The following BIRC3 variants were observed in gnomAD, a reference collection of about 807,000 sequenced individuals.
BIRC3 encodes baculoviral IAP repeat-containing protein 3.
A neutral mutation model predicts 59.0 loss-of-function variants in BIRC3; 26 were observed. The ratio of observed to expected loss-of-function variants is 0.44; its 90% CI spans 0.32 to 0.61. The LOEUF is 0.61. Ranked by LOEUF, BIRC3 falls within the 20% of genes least tolerant of loss-of-function variation. The pLI is 0.04. For missense variants in BIRC3, 641 were observed against 711.5 expected, an observed-to-expected ratio of 0.90 and a Z score of 1.13; for synonymous variants, 243 against 249.2, an observed-to-expected ratio of 0.98 and a Z score of 0.24.
At chr11:102,327,100 T>C (rs1206075767) in intron 3 of BIRC3, among the ~76,000 whole-genome samples, 1 of 152,196 alleles carries the variant, frequency 6.6e-6, no homozygotes, top group African/African-American at 2.4e-5. Context: ...GGTAGATAAC[T>C]AGTAATCACC....
chr11:102,321,714 A>G (rs1951032425), intron 1 of BIRC3, 123 bp from the exon 2 acceptor site: 1 of 162,846 alleles, frequency 6.1e-6, no homozygotes, highest in South Asian at 2.0e-4. Flanking sequence ...CACCTGATAC[A>G]TGGTAAACGA....
Position 102,320,898 on chromosome 11 carries a change from C to T in BIRC3, c.-2673-939C>T, listed in dbSNP as rs886971478. On this transcript the variant is annotated intron_variant, in intron 1 of 8. Transcript: ENST00000263464. ...GAACATGTTCCCTCTCTAAAGGGCA[C>T]AGCTGCTGCTCAGCTTTAGCTGATT... Among the ~76,000 whole-genome samples, 3 of 152,252 alleles carry T rather than the reference C, an allele frequency of 2.0e-5. No individual in the cohort carries two copies. In the South Asian group the frequency reaches 6.2e-4, roughly 32 times the overall value.
At chr11:102,336,731 T>C (rs748273236) in intron 7 of BIRC3, 29 bp from the exon 8 acceptor site, 8 of 1,590,386 alleles carry the variant, frequency 5.0e-6, no homozygotes, top group South Asian at 4.6e-5. Context: ...TTATTTGTCA[T>C]AGTAATGCTT....
At chr11:102,330,009 C>A (rs1421281876) in intron 5 of BIRC3, among the ~76,000 whole-genome samples, 2 of 151,984 alleles carry the variant, frequency 1.3e-5, no homozygotes, top group African/African-American at 4.8e-5. Context: ...CTACTGGAAA[C>A]AGACAAATAC....
intron 6 of BIRC3, among the ~76,000 whole-genome samples, chr11:102,333,572 G>GA (rs201323847): frequency 0.04 from 5,084 of 126,022 alleles, 310 homozygotes; most frequent in East Asian, 0.3. Context: ...CTCTCTAAAA[G>GA]AAAAAAAAAA....
chr11:102,326,633 A>G, intron 3 of BIRC3: 15 of 442,486 alleles, frequency 3.4e-5, no homozygotes, highest in East Asian at 2.8e-4. Context: ...AACAAGCTGC[A>G]CTGTTTTTTT....
rs1023369669 is a variant in BIRC3 at position 102,338,377 on chromosome 11, C to T, written c.*1275C>T. 6 of 228,278 alleles carry T rather than the reference C, an allele frequency of 2.6e-5. 1 individual carries two copies. The highest frequency in any genetic ancestry group is 1.1e-4 in the African/African-American group (5 of 45,006). 14.1% of individuals were successfully genotyped at this position (228,278 alleles called of 1,614,324 possible). A position where few individuals can be genotyped will look rare whatever the true frequency, so the allele number is the denominator to read the frequency against. On this transcript the variant is annotated 3_prime_UTR_variant, in exon 9 of 9. Transcript: ENST00000263464. ...TTCATAAGGGTCACAGCTGACAATC[C>T]TATAACAAAAGACAGGTTAACAAGA...
At chr11:102,326,227 C>G (rs934844912) in intron 3 of BIRC3, among the ~76,000 whole-genome samples, 1 of 152,038 alleles carries the variant, frequency 6.6e-6, no homozygotes, top group South Asian at 2.1e-4. Flanking sequence ...TGAATAAGTT[C>G]TATAGCATGT....
At chr11:102,325,746 GAAAT>G (rs1291103864) in intron 3 of BIRC3, among the ~76,000 whole-genome samples, 181 bp downstream of exon 3, 1 of 152,030 alleles carries the variant, frequency 6.6e-6, no homozygotes, top group Non-Finnish European at 1.5e-5. Flanking sequence ...AGACAACGAA[GAAAT>G]AGATTTGGGG....
intron 6 of BIRC3, among the ~76,000 whole-genome samples, chr11:102,331,842 T>C (rs1405341069): frequency 1.3e-5 from 2 of 152,146 alleles, no homozygotes; most frequent in African/African-American, 2.4e-5. Flanking sequence ...GATTTCTCCA[T>C]GTTGGCCACA....
chr11:102,331,485 T>C (rs994182747), intron 6 of BIRC3, among the ~76,000 whole-genome samples: 2 of 152,204 alleles, frequency 1.3e-5, no homozygotes, highest in African/African-American at 4.8e-5. Flanking sequence ...AATTCATATT[T>C]TTTTCTCTGG....
Position 102,336,079 on chromosome 11 carries a change from G to C in BIRC3, c.1438G>C (p.Asp480His). ...TAGIINEQEH[D>H]VIKQKTQTSL... The stretch of plus-strand genomic sequence containing the variant: ...CGGAATTATTAATGAACAAGAACAT[G>C]ATGTTATTAAACAGAAGACACAGAC... Residue 480 changes from aspartate to histidine, a missense_variant, in exon 7 of 9, where the codon GAT becomes CAT. By Grantham distance (81) the Asp-to-His change is moderately conservative. Around this residue, in one of 4 missense-constraint regions of BIRC3, gnomAD observed 268 missense variants for 255.7 expected, o/e 1.05. Transcript: ENST00000263464. 6.2e-7 allele frequency: 1 copy of C among 1,613,908 alleles called. No homozygotes were observed. The highest frequency in any genetic ancestry group is 1.1e-5 in the South Asian group (1 of 91,080).
chr11:102,321,635 G>T (rs1045098326), intron 1 of BIRC3, among the ~76,000 whole-genome samples: 1 of 152,168 alleles, frequency 6.6e-6, no homozygotes, highest in Non-Finnish European at 1.5e-5. Context: ...GATTACAGGC[G>T]TGAGCCACTG....
In BIRC3 at chr11:102,322,871, TAAATCATAATTGAGA is replaced by T. The variant is rs1257038033; in HGVS notation, c.-1636_-1622del. 2.5e-5 allele frequency: 5 copies of T among 202,944 alleles called. No individual in the cohort carries two copies. The East Asian group carries it at 3.8e-4, about 15-fold the overall frequency. The allele number at this position is 202,944 out of a possible 1,614,324, so 12.6% of individuals were successfully genotyped here. A position where few individuals can be genotyped will look rare whatever the true frequency, so the allele number is the denominator to read the frequency against. On this transcript the variant is annotated 5_prime_UTR_variant, in exon 2 of 9. The change abolishes the stop of an existing upstream ORF in the 5' untranslated region. Coordinates refer to ENST00000263464, the MANE Select transcript of BIRC3 (RefSeq NM_001165.5). ...TCAGAACCTCTTTACTAATGGCTAGTAAATCATAATTGAGAAATTCTGAATTTTGACAAGGTCTCT... is the reference window on the plus strand; with the variant it reads ...TCAGAACCTCTTTACTAATGGCTAGTAATTCTGAATTTTGACAAGGTCTCT...
chr11:102,331,383 A>C lies in BIRC3; in HGVS notation c.1324+142A>C. 3.4e-6 allele frequency: 3 copies of C among 872,416 alleles called. No individual in the cohort carries two copies. In the South Asian group the frequency reaches 9.3e-5, roughly 27 times the overall value. The allele number at this position is 872,416 out of a possible 1,614,324, so 54.0% of individuals were successfully genotyped here. On this transcript the variant is annotated intron_variant, in intron 6 of 8. Coordinates refer to ENST00000263464, the MANE Select transcript of BIRC3 (RefSeq NM_001165.5). Reference sequence around the variant, plus strand: ...TTCATGTTTAGTATTCTGAATTCAAATGCTGAAAAATTTATTCATATTCAA... The same window carrying C: ...TTCATGTTTAGTATTCTGAATTCAACTGCTGAAAAATTTATTCATATTCAA...
chr11:102,336,704 A>G (rs2135793009), intron 7 of BIRC3, 56 bp from the exon 8 acceptor site: 1 of 1,513,170 alleles, frequency 6.6e-7, no homozygotes, highest in Non-Finnish European at 9.1e-7. Context: ...AATAGATTCC[A>G]TAGCTAAATA....
chr11:102,331,313 C>G, intron 6 of BIRC3, 72 bp downstream of exon 6: 1 of 1,409,968 alleles, frequency 7.1e-7, no homozygotes, highest in Non-Finnish European at 9.4e-7. Context: ...GAAAAATATA[C>G]TCATCTAGCA....
chr11:102,330,025 C>G (rs1055758903), intron 5 of BIRC3, among the ~76,000 whole-genome samples: 1 of 152,052 alleles, frequency 6.6e-6, no homozygotes, highest in Admixed American at 6.6e-5. Flanking sequence ...AATACACAGA[C>G]AGGAGAAAGG....
rs1274252278 is a variant in BIRC3 at position 102,325,069 on chromosome 11, C to G, written c.560C>G (p.Thr187Arg). Residue 187 changes from threonine to arginine, a missense_variant, in exon 2 of 9, where the codon ACA (threonine) becomes AGA (arginine). By Grantham distance (71) the Thr-to-Arg change is moderately conservative (BLOSUM62 -1). This residue lies in a region of BIRC3 where 329 missense variants were observed against 365.6 expected (regional missense o/e 0.90). Coordinates refer to ENST00000263464, the MANE Select transcript of BIRC3 (RefSeq NM_001165.5). Reference sequence around the variant, plus strand: ...TGGCCATTGACTTTTCTGTCGCCAACAGATCTGGCAAAAGCAGGCTTTTAC... The same window carrying G: ...TGGCCATTGACTTTTCTGTCGCCAAGAGATCTGGCAAAAGCAGGCTTTTAC... Reference protein sequence around the residue: ...QTWPLTFLSPTDLAKAGFYYI... With the variant: ...QTWPLTFLSPRDLAKAGFYYI... The G allele has an allele frequency of 3.1e-6, 5 of 1,614,058 alleles. No homozygotes were observed. The African/African-American group carries it at 6.7e-5, about 22-fold the overall frequency.
Sources: gnomAD v4.1 joint callset for allele counts (sites outside exome capture counted in the v4.1 genomes callset) on GRCh38, gnomAD v4.1.1 for gene constraint, gnomAD v4.1.1 regional missense constraint, MANE v1.5 for transcripts, NCBI Gene and HGNC (gene_info 2026-07-23, HGNC 2026-07-21) for gene names.